FGD4: variants seen among roughly 807,000 people sequenced by gnomAD.
FGD4 encodes FYVE, RhoGEF and PH domain-containing protein 4.
Under a neutral mutation model 102.0 loss-of-function variants are expected in FGD4, and 42 were observed. The observed-to-expected ratio is 0.41, with a 90% CI of 0.32 to 0.53. FGD4 has a LOEUF of 0.53. FGD4 is among the 20% of genes least tolerant of loss of function. The pLI is 0.21. For synonymous variants in FGD4, 380 were observed against 375.7 expected (o/e 1.01, Z -0.13); for missense variants, 902 against 1,078.2 (o/e 0.84, Z 2.29).
chr12:32,439,167 C>G (rs2088807), intron 1 of FGD4, among the ~76,000 whole-genome samples: 59,698 of 152,004 alleles, frequency 0.39, 12,294 homozygotes, highest in African/African-American at 0.5. Flanking sequence ...ATTCTACTCT[C>G]AACTTCTATG....
rs74601811 is a variant in FGD4, at chr12:32,598,235, G to T, written c.1012-262G>T. ...AAAGATAATGCTAGGAACTGAAAAA[G>T]ATAGATTTCCAGGAAAAAGGTAGAT... is the stretch of plus-strand genomic sequence containing the variant. On this transcript the variant is annotated intron_variant, in intron 4 of 16. Transcript: ENST00000534526. 0.022 allele frequency among the ~76,000 whole-genome samples: 3,408 copies of T among 152,304 alleles called. 118 individuals are homozygous for T. The highest frequency in any genetic ancestry group is 0.078 in the African/African-American group (3,222 of 41,558).
intron 1 of FGD4, among the ~76,000 whole-genome samples, chr12:32,473,472 GCA>G (rs1943490104): frequency 6.6e-6 from 1 of 152,008 alleles, no homozygotes; most frequent in African/African-American, 2.4e-5. Flanking sequence ...GCAAAGGTCT[GCA>G]GCTTCACTCC....
rs112503629 is a variant in FGD4, at chr12:32,557,187, A to G, written c.167-6950A>G. 7.8e-3 allele frequency among the ~76,000 whole-genome samples: 1,190 copies of G among 152,308 alleles called. 21 individuals are homozygous for G. The highest frequency in any genetic ancestry group is 0.027 in the African/African-American group (1,135 of 41,568). On this transcript the variant is annotated intron_variant, in intron 1 of 16. Coordinates refer to ENST00000534526, the MANE Select transcript of FGD4 (RefSeq NM_001370298.3). ...TTTTTTAAAAGTCTCTGTGATATGT[A>G]TACTTGGTGACTTTCATAGATTTTT... is the stretch of plus-strand genomic sequence containing the variant.
At chr12:32,563,045 G>A (rs1384124325) in intron 1 of FGD4, among the ~76,000 whole-genome samples, 4 of 144,276 alleles carry the variant, frequency 2.8e-5, no homozygotes, top group African/African-American at 1.0e-4. Flanking sequence ...GCGGGGGGCT[G>A]ACACCCCCAC....
Position 32,633,598 on chromosome 12 carries a change from G to A in FGD4, c.2222G>A (p.Gly741Asp), listed in dbSNP as rs539417957. 1 of 1,613,882 alleles carries A rather than the reference G, an allele frequency of 6.2e-7. No homozygotes were observed. Among genetic ancestry groups the A allele is most frequent in the East Asian group, 2.2e-5 (1 of 44,832 alleles). The change falls in exon 15 of 17, where the codon GGT (glycine) becomes GAT (aspartate). Residue 741 changes from glycine to aspartate, a missense_variant. Coordinates refer to ENST00000534526, the MANE Select transcript of FGD4 (RefSeq NM_001370298.3). ...SDYKAQLEYD[G>D]GKLSKVCKDC... Reference sequence around the variant, plus strand: ...TACAAAGCTCAACTTGAATATGATGGTGGTAAATTGAGCAAAGTTTGTAAA... The same window carrying A: ...TACAAAGCTCAACTTGAATATGATGATGGTAAATTGAGCAAAGTTTGTAAA...
At chr12:32,488,411 A>G (rs1017188499) in intron 1 of FGD4, among the ~76,000 whole-genome samples, 6 of 152,126 alleles carry the variant, frequency 3.9e-5, no homozygotes, top group Non-Finnish European at 7.4e-5. Flanking sequence ...ATATGATTAT[A>G]CGGTCAGAAT....
At chr12:32,471,128 A>G (rs1943405142) in intron 1 of FGD4, among the ~76,000 whole-genome samples, 1 of 152,100 alleles carries the variant, frequency 6.6e-6, no homozygotes, top group Non-Finnish European at 1.5e-5. Flanking sequence ...GGGCCTGCCA[A>G]CCTTCCCCCC....
chr12:32,479,422 T>A (rs1018673241), intron 1 of FGD4, among the ~76,000 whole-genome samples: 1 of 152,132 alleles, frequency 6.6e-6, no homozygotes, highest in Non-Finnish European at 1.5e-5. Context: ...CACAAACTTC[T>A]GGCCTTAAGC....
At chr12:32,445,929 G>A (rs978672011) in intron 1 of FGD4, among the ~76,000 whole-genome samples, 1 of 152,160 alleles carries the variant, frequency 6.6e-6, no homozygotes, top group African/African-American at 2.4e-5. Context: ...CACTTTGTGA[G>A]GCCAAGGTGG....
At chr12:32,624,615 C>T (rs765748059) in intron 12 of FGD4, 163 bp downstream of exon 12, 14 of 699,732 alleles carry the variant, frequency 2.0e-5, no homozygotes, top group South Asian at 1.5e-4. Flanking sequence ...GGACTATAGG[C>T]GTGCACCACC....
rs1475941092 is a variant in FGD4, at chr12:32,633,404, C to G, written c.2173-145C>G. The G allele has an allele frequency of 1.6e-5, 13 of 794,102 alleles. No individual in the cohort carries two copies. In the African/African-American group the frequency reaches 2.2e-4, roughly 14 times the overall value. 49.2% of individuals were successfully genotyped at this position (794,102 alleles called of 1,614,324 possible). A position where few individuals can be genotyped will look rare whatever the true frequency, so the allele number is the denominator to read the frequency against. On this transcript the variant is annotated intron_variant, in intron 14 of 16. Coordinates refer to ENST00000534526, the MANE Select transcript of FGD4 (RefSeq NM_001370298.3). ...GGTTGAAACACCTTGATATGTACTT[C>G]TAGTGTTTATAGGGATGTTCCTTTT...
intron 1 of FGD4, among the ~76,000 whole-genome samples, chr12:32,559,319 TTTAACC>T (rs1440898020): frequency 6.6e-6 from 1 of 152,234 alleles, no homozygotes; most frequent in Non-Finnish European, 1.5e-5. Context: ...CCATGATTTG[TTTAACC>T]TATACCAGTG....
chr12:32,525,061 T>C (rs1043162121), intron 1 of FGD4, among the ~76,000 whole-genome samples: 1 of 152,208 alleles, frequency 6.6e-6, no homozygotes, highest in Non-Finnish European at 1.5e-5. Flanking sequence ...ACCAATACAT[T>C]TGAAGCCCCT....
In FGD4 at chr12:32,578,210, ATAT is replaced by A. The variant is rs141340032; in HGVS notation, c.503+1766_503+1768del. Among the ~76,000 whole-genome samples, 346 of 152,196 alleles carry A rather than the reference ATAT, an allele frequency of 2.3e-3. 11 individuals carry two copies. In the South Asian group the frequency reaches 0.051, roughly 23 times the overall value. On this transcript the variant is annotated intron_variant, in intron 3 of 16. Transcript: ENST00000534526. ...GTGTTTTGGCAGGTCTGGTGAAGAAATATTATTTGTGGTAGAGTCCACTGCCGA... is the reference window on the plus strand; with the variant it reads ...GTGTTTTGGCAGGTCTGGTGAAGAAATATTTGTGGTAGAGTCCACTGCCGA...
chr12:32,414,337 A>G (rs1941321169), intron 1 of FGD4, among the ~76,000 whole-genome samples: 1 of 151,874 alleles, frequency 6.6e-6, no homozygotes, highest in South Asian at 2.1e-4. Flanking sequence ...GTATATATTT[A>G]TGGGGTATAT....
chr12:32,574,588 C>T (rs1219369359), intron 2 of FGD4: 2 of 152,134 alleles, frequency 1.3e-5, no homozygotes, highest in Non-Finnish European at 2.9e-5. Flanking sequence ...ACAAAAGAAG[C>T]ATGCCATTTT....
At chr12:32,545,117 T>C (rs186600621) in intron 1 of FGD4, among the ~76,000 whole-genome samples, 2 of 152,316 alleles carry the variant, frequency 1.3e-5, no homozygotes, top group East Asian at 3.9e-4. Context: ...TTACATGCAG[T>C]AGAGATAGTT....
intron 1 of FGD4, among the ~76,000 whole-genome samples, chr12:32,419,269 C>T (rs1478315853): frequency 1.3e-5 from 2 of 152,216 alleles, no homozygotes; most frequent in Non-Finnish European, 2.9e-5. Flanking sequence ...GAGTCTTTCA[C>T]TGTAGCCCTC....
intron 2 of FGD4, chr12:32,574,885 A>C (rs1407214620): frequency 6.6e-6 from 1 of 152,232 alleles, no homozygotes; most frequent in African/African-American, 2.4e-5. Context: ...AAAGGATTTA[A>C]GGAAGAAAAA....
Sources: gnomAD v4.1 joint callset for allele counts (sites outside exome capture counted in the v4.1 genomes callset) on GRCh38, gnomAD v4.1.1 for gene constraint, MANE v1.5 for transcripts, NCBI Gene and HGNC (gene_info 2026-07-23, HGNC 2026-07-21) for gene names.